KCTD16: variants seen among roughly 807,000 people sequenced by gnomAD.
The protein encoded by KCTD16 is BTB/POZ domain-containing protein KCTD16.
Under a neutral mutation model 33.2 loss-of-function variants are expected in KCTD16, and 13 were observed. That is an observed-to-expected ratio of 0.39 (90% CI 0.25 to 0.62). KCTD16 has a LOEUF of 0.62. Among genes scored for constraint, KCTD16 ranks in the 20% least tolerant of loss-of-function variants. The pLI, the probability that KCTD16 is intolerant of heterozygous loss-of-function variation, is 0.50. For missense variants in KCTD16, 441 were observed against 525.1 expected (o/e 0.84, Z 1.57); for synonymous variants, 197 against 195.3 (o/e 1.01, Z -0.07).
chr5:144,325,599 T>C (rs1752182942), intron 3 of KCTD16, among the ~76,000 whole-genome samples: 1 of 152,122 alleles, frequency 6.6e-6, no homozygotes, highest in Non-Finnish European at 1.5e-5. Context: ...CCCTCTTTTC[T>C]TATTCTCTAT....
At chr5:144,404,396 C>T (rs1421890388) in intron 3 of KCTD16, among the ~76,000 whole-genome samples, 1 of 152,068 alleles carries the variant, frequency 6.6e-6, no homozygotes, top group East Asian at 1.9e-4. Flanking sequence ...ATACTGAATG[C>T]TTGACTAGCC....
intron 2 of KCTD16, among the ~76,000 whole-genome samples, chr5:144,201,467 A>G (rs1438629788): frequency 6.6e-6 from 1 of 152,174 alleles, no homozygotes; most frequent in African/African-American, 2.4e-5. Context: ...TAATTTCTTT[A>G]TGCCTCAATT....
At chr5:144,309,853 G>C (rs1287195963) in intron 3 of KCTD16, among the ~76,000 whole-genome samples, 1 of 152,050 alleles carries the variant, frequency 6.6e-6, no homozygotes, top group African/African-American at 2.4e-5. Context: ...CTGAGGAACA[G>C]GGAAGCAGAA....
intron 3 of KCTD16, among the ~76,000 whole-genome samples, chr5:144,281,802 T>C (rs1014601280): frequency 1.3e-5 from 2 of 152,216 alleles, no homozygotes; most frequent in African/African-American, 4.8e-5. Context: ...CCACCCGTAA[T>C]TGTGGATTTG....
At chr5:144,432,397 A>G (rs183484677) in intron 3 of KCTD16, among the ~76,000 whole-genome samples, 6 of 152,300 alleles carry the variant, frequency 3.9e-5, no homozygotes, top group Admixed American at 1.3e-4. Context: ...AGATTCAGAG[A>G]AGTAAATTTC....
At chr5:144,186,122 A>T (rs1752720085) in intron 2 of KCTD16, among the ~76,000 whole-genome samples, 1 of 152,166 alleles carries the variant, frequency 6.6e-6, no homozygotes, top group Non-Finnish European at 1.5e-5. Context: ...CATTCATATC[A>T]TAAGGTAGCT....
intron 2 of KCTD16, among the ~76,000 whole-genome samples, chr5:144,200,581 C>G (rs1266795158): frequency 6.6e-6 from 1 of 152,146 alleles, no homozygotes; most frequent in Admixed American, 6.5e-5. Context: ...GCCATGATAT[C>G]TCTTTAAGGG....
At chr5:144,249,792 A>G (rs1179524312) in intron 3 of KCTD16, among the ~76,000 whole-genome samples, 1 of 152,134 alleles carries the variant, frequency 6.6e-6, no homozygotes, top group Non-Finnish European at 1.5e-5. Flanking sequence ...TCTCAAGGTT[A>G]CTCTGCATTT....
chr5:144,395,108 C>T (rs1752535424), intron 3 of KCTD16, among the ~76,000 whole-genome samples: 1 of 152,134 alleles, frequency 6.6e-6, no homozygotes, highest in African/African-American at 2.4e-5. Flanking sequence ...TGGGGCCCAG[C>T]AATTTATATT....
intron 1 of KCTD16, among the ~76,000 whole-genome samples, chr5:144,173,629 A>C (rs1205715090): frequency 6.6e-6 from 1 of 152,116 alleles, no homozygotes; most frequent in Non-Finnish European, 1.5e-5. Context: ...AAATTTAAAA[A>C]ATTTGCCTGT....
intron 3 of KCTD16, among the ~76,000 whole-genome samples, chr5:144,361,826 T>C (rs552454031): frequency 2.3e-4 from 35 of 152,190 alleles, no homozygotes; most frequent in African/African-American, 8.2e-4. Context: ...CCATAAAATA[T>C]TCAAAATATA....
At chr5:144,362,295 A>G (rs1206604550) in intron 3 of KCTD16, among the ~76,000 whole-genome samples, 1 of 152,188 alleles carries the variant, frequency 6.6e-6, no homozygotes. Flanking sequence ...GAGGAAAAAG[A>G]GAAGATAGGT....
At chr5:144,224,584 T>G (rs981861846) in intron 3 of KCTD16, among the ~76,000 whole-genome samples, 5 of 152,224 alleles carry the variant, frequency 3.3e-5, no homozygotes, top group African/African-American at 1.2e-4. Context: ...CATAGCTATA[T>G]TTTTATATTT....
Position 144,316,508 on chromosome 5 carries a change from CT to C in KCTD16, c.832+108981del, listed in dbSNP as rs398050808. ...CCATCTTCCCATTTTTGTTTTTTGT[CT>C]TTTTTTTTTTTTTTTTTTGAGACGG... On this transcript the variant is annotated intron_variant, in intron 3 of 3. Transcript: ENST00000512467. Among the ~76,000 whole-genome samples the C allele has an allele frequency of 7.1e-3, 850 of 119,920 alleles. 4 individuals carry two copies. The highest frequency in any genetic ancestry group is 0.018 in the African/African-American group (559 of 31,382). 78.7% of individuals were successfully genotyped at this position (119,920 alleles called of 152,430 possible). A position where few individuals can be genotyped will look rare whatever the true frequency, so the allele number is the denominator to read the frequency against.
chr5:144,461,844 A>G (rs1754202750), intron 3 of KCTD16, among the ~76,000 whole-genome samples: 1 of 152,162 alleles, frequency 6.6e-6, no homozygotes, highest in Non-Finnish European at 1.5e-5. Flanking sequence ...GTCTCATACA[A>G]TATTTATGGG....
chr5:144,396,081 G>C (rs1305614936), intron 3 of KCTD16, among the ~76,000 whole-genome samples: 2 of 152,048 alleles, frequency 1.3e-5, no homozygotes, highest in South Asian at 2.1e-4. Flanking sequence ...TAGATTTTGG[G>C]GGTGGATGAC....
At chr5:144,395,923 T>A (rs1424793660) in intron 3 of KCTD16, among the ~76,000 whole-genome samples, 1 of 152,218 alleles carries the variant, frequency 6.6e-6, no homozygotes, top group African/African-American at 2.4e-5. Context: ...TTTTTGTAAG[T>A]AGTTTCATTG....
chr5:144,188,797 T>C (rs982080570), intron 2 of KCTD16, among the ~76,000 whole-genome samples: 1 of 152,138 alleles, frequency 6.6e-6, no homozygotes, highest in Non-Finnish European at 1.5e-5. Flanking sequence ...GGCATTGTAA[T>C]ATTCCTAATC....
At chr5:144,187,365 G>A (rs1326837736) in intron 2 of KCTD16, among the ~76,000 whole-genome samples, 2 of 151,968 alleles carry the variant, frequency 1.3e-5, no homozygotes, top group Non-Finnish European at 2.9e-5. Flanking sequence ...TTCTAACAGG[G>A]AGGGATTAAA....
Sources: gnomAD v4.1 joint callset for allele counts (sites outside exome capture counted in the v4.1 genomes callset) on GRCh38, gnomAD v4.1.1 for gene constraint, MANE v1.5 for transcripts, NCBI Gene and HGNC (gene_info 2026-07-23, HGNC 2026-07-21) for gene names.